Variants in ZNF385D observed in about 807,000 individuals in gnomAD.
The protein encoded by ZNF385D is zinc finger protein 385D, also known as zinc finger protein 659.
In ZNF385D, 15 loss-of-function variants were observed where a neutral mutation model predicts 35.8. The observed-to-expected ratio is 0.42, with a 90% confidence interval of 0.28 to 0.64. ZNF385D has a LOEUF of 0.64. Ranked by LOEUF, ZNF385D falls within the 30% of genes least tolerant of loss-of-function variation. The pLI, the probability that ZNF385D is intolerant of heterozygous loss-of-function variation, is 0.23. For missense variants in ZNF385D, 474 were observed against 494.6 expected, an observed-to-expected ratio of 0.96 and a Z score of 0.39; for synonymous variants, 212 against 186.8, an observed-to-expected ratio of 1.13 and a Z score of -1.10.
chr3:21,498,671 C>G (rs1236446059), intron 4 of ZNF385D, among the ~76,000 whole-genome samples: 1 of 152,046 alleles, frequency 6.6e-6, no homozygotes, highest in African/African-American at 2.4e-5. Context: ...TCACACTGGT[C>G]AGAATGGCTA....
intron 3 of ZNF385D, among the ~76,000 whole-genome samples, chr3:22,081,942 C>T (rs1700771368): frequency 6.6e-6 from 1 of 151,718 alleles, no homozygotes; most frequent in Non-Finnish European, 1.5e-5. Context: ...GCTTCCCTCT[C>T]CCCTAGTAGT....
At chr3:21,751,394 T>C, upstream of ZNF385D, 6 of 1,004,740 alleles carry the variant, frequency 6.0e-6, no homozygotes, top group South Asian at 8.4e-5. Flanking sequence ...GAGAAGAGTG[T>C]CGGGATCCAC....
chr3:22,088,743 G>A (rs985638160), intron 3 of ZNF385D, among the ~76,000 whole-genome samples: 21 of 152,054 alleles, frequency 1.4e-4, no homozygotes, highest in Admixed American at 9.2e-4. Flanking sequence ...AGATTCCCAA[G>A]ATAAGACCTT....
chr3:21,781,588 C>G (rs1415575726), intron 3 of ZNF385D, among the ~76,000 whole-genome samples: 2 of 152,034 alleles, frequency 1.3e-5, no homozygotes, highest in Non-Finnish European at 2.9e-5. Context: ...ATAAGTGTTT[C>G]ATGAATGTTG....
chr3:21,566,806 T>C (rs987991985), intron 2 of ZNF385D, among the ~76,000 whole-genome samples: 1 of 152,214 alleles, frequency 6.6e-6, no homozygotes, highest in African/African-American at 2.4e-5. Context: ...CCTTTTCCAC[T>C]ATCTGGACAA....
intron 3 of ZNF385D, among the ~76,000 whole-genome samples, chr3:22,129,635 G>A (rs1191697303): frequency 6.6e-6 from 1 of 152,044 alleles, no homozygotes; most frequent in Admixed American, 6.6e-5. Flanking sequence ...ACTGTAGCCT[G>A]GATATCACTG....
At chr3:21,773,742 A>C (rs753367840) in intron 3 of ZNF385D, among the ~76,000 whole-genome samples, 1 of 141,976 alleles carries the variant, frequency 7.0e-6, no homozygotes, top group Non-Finnish European at 1.6e-5. Flanking sequence ...GCCAGTCAGA[A>C]TGGATATTAT....
intron 2 of ZNF385D, among the ~76,000 whole-genome samples, chr3:22,176,903 A>C (rs1694866915): frequency 6.6e-6 from 1 of 152,226 alleles, no homozygotes; most frequent in Non-Finnish European, 1.5e-5. Context: ...TATATAAATA[A>C]TAGATCAGAT....
At chr3:21,836,225 G>C (rs778560913) in intron 3 of ZNF385D, among the ~76,000 whole-genome samples, 92 of 152,206 alleles carry the variant, frequency 6.0e-4, no homozygotes, top group Admixed American at 9.8e-4. Context: ...ATTAGAAAGA[G>C]ATATCAAGAG....
chr3:22,283,977 A>T (rs1390514187), intron 2 of ZNF385D, among the ~76,000 whole-genome samples: 1 of 152,120 alleles, frequency 6.6e-6, no homozygotes, highest in Non-Finnish European at 1.5e-5. Flanking sequence ...GGTGCCCCTT[A>T]TTGATGCCTT....
intron 2 of ZNF385D, among the ~76,000 whole-genome samples, chr3:22,200,599 G>C (rs1576485691): frequency 6.6e-6 from 1 of 152,066 alleles, no homozygotes; most frequent in East Asian, 1.9e-4. Context: ...CTTATCAGGA[G>C]ACAGGGTTTT....
intron 3 of ZNF385D, among the ~76,000 whole-genome samples, chr3:21,761,574 C>T (rs2070609735): frequency 6.6e-6 from 1 of 152,012 alleles, no homozygotes; most frequent in South Asian, 2.1e-4. Context: ...AATGCAAGAA[C>T]CAACATAGAG....
intron 2 of ZNF385D, among the ~76,000 whole-genome samples, chr3:21,617,548 G>A (rs952426540): frequency 2.0e-5 from 3 of 152,116 alleles, no homozygotes; most frequent in African/African-American, 7.2e-5. Flanking sequence ...ACAACCCCAC[G>A]AGAAAGATAC....
chr3:21,419,732 A>T lies in ZNF385D; in HGVS notation c.*1482T>A, dbSNP rs1406852082. On this transcript the variant is annotated 3_prime_UTR_variant, in exon 8 of 8. Coordinates refer to ENST00000281523, the MANE Select transcript of ZNF385D (RefSeq NM_024697.3). ...AGCCTTTATCACAAATTAAAGGCAC[A>T]GCTATTTTTATGCCATTTGTTACCA... 6.6e-6 allele frequency: 1 copy of T among 152,112 alleles called. No individual in the cohort carries two copies. Among genetic ancestry groups the T allele is most frequent in the African/African-American group, 2.4e-5 (1 of 41,450 alleles). The allele number at this position is 152,112 out of a possible 1,614,324, so 9.4% of individuals were successfully genotyped here.
chr3:22,085,997 C>T (rs1180530060), intron 3 of ZNF385D, among the ~76,000 whole-genome samples: 1 of 152,198 alleles, frequency 6.6e-6, no homozygotes, highest in African/African-American at 2.4e-5. Flanking sequence ...CGACAAAATT[C>T]AACAACACTT....
At chr3:22,247,369 C>T (rs956258735) in intron 2 of ZNF385D, among the ~76,000 whole-genome samples, 24 of 152,010 alleles carry the variant, frequency 1.6e-4, no homozygotes, top group African/African-American at 5.8e-4. Context: ...AACAAATTTT[C>T]AACCAGATTT....
chr3:21,726,243 A>T (rs2068760847), intron 1 of ZNF385D, among the ~76,000 whole-genome samples: 1 of 152,198 alleles, frequency 6.6e-6, no homozygotes, highest in Non-Finnish European at 1.5e-5. Context: ...CAAAAACTGG[A>T]AGCATTCCCT....
At chr3:22,198,312 G>A (rs892316066) in intron 2 of ZNF385D, among the ~76,000 whole-genome samples, 1 of 151,974 alleles carries the variant, frequency 6.6e-6, no homozygotes, top group South Asian at 2.1e-4. Flanking sequence ...TGATGTTGAG[G>A]CAACCACTGA....
intron 3 of ZNF385D, among the ~76,000 whole-genome samples, chr3:22,100,627 T>G (rs1701882230): frequency 7.4e-6 from 1 of 134,506 alleles, no homozygotes; most frequent in South Asian, 2.3e-4. Context: ...AGGTGGGAAT[T>G]GAACAATGAG....
Sources: gnomAD v4.1 joint callset for allele counts (sites outside exome capture counted in the v4.1 genomes callset) on GRCh38, gnomAD v4.1.1 for gene constraint, MANE v1.5 for transcripts, NCBI Gene and HGNC (gene_info 2026-07-23, HGNC 2026-07-21) for gene names.